MAGI2: variants seen among roughly 807,000 people sequenced by gnomAD.
MAGI2 encodes the protein membrane-associated guanylate kinase, WW and PDZ domain-containing protein 2.
MAGI2 carries 35 observed loss-of-function variants against 133.3 expected under a neutral mutation model. The observed-to-expected ratio is 0.26, with a 90% CI of 0.20 to 0.35. The LOEUF is 0.35. Among genes scored for constraint, MAGI2 ranks in the 10% least tolerant of loss-of-function variants. The pLI, the probability that MAGI2 is intolerant of heterozygous loss-of-function variation, is 1.00. For missense variants in MAGI2, 1,636 were observed against 1,863.4 expected, an observed-to-expected ratio of 0.88 and a Z score of 2.25; for synonymous variants, 729 against 710.6, an observed-to-expected ratio of 1.03 and a Z score of -0.41.
intron 2 of MAGI2, among the ~76,000 whole-genome samples, chr7:78,725,511 A>G (rs1399497133): frequency 6.6e-6 from 1 of 152,254 alleles, no homozygotes; most frequent in Non-Finnish European, 1.5e-5. Flanking sequence ...ATGAAAAGTT[A>G]AACTAGGCCA....
At chr7:79,089,068 G>A (rs1816803783) in intron 1 of MAGI2, among the ~76,000 whole-genome samples, 1 of 151,850 alleles carries the variant, frequency 6.6e-6, no homozygotes, top group Non-Finnish European at 1.5e-5. Flanking sequence ...AGAATCTAAT[G>A]TATCCAGAAT....
intron 6 of MAGI2, among the ~76,000 whole-genome samples, chr7:78,407,341 T>C (rs12533999): frequency 0.27 from 40,699 of 151,856 alleles, 5,863 homozygotes; most frequent in Middle Eastern, 0.36. Flanking sequence ...TTTTACCCTA[T>C]GTTTAACTTT....
chr7:78,713,654 G>A (rs1410987562), intron 2 of MAGI2, among the ~76,000 whole-genome samples: 1 of 152,076 alleles, frequency 6.6e-6, no homozygotes, highest in Non-Finnish European at 1.5e-5. Flanking sequence ...TTCAAAATAT[G>A]TAATAGCTCT....
At chr7:78,083,542 A>T (rs1216704128) in intron 20 of MAGI2, among the ~76,000 whole-genome samples, 2 of 152,174 alleles carry the variant, frequency 1.3e-5, no homozygotes, top group Admixed American at 6.5e-5. Context: ...TGATCAAAGG[A>T]CTTAAGAGGA....
rs117399006 is a variant in MAGI2, at chr7:79,128,617, A to G, written c.302-121411T>C. On this transcript the variant is annotated intron_variant, in intron 1 of 21. Transcript: ENST00000354212. ...AATAGTACCTTGTTTTCAACATTAT[A>G]CTATTCTGCTCCATCTCTGAAAATG... Among the ~76,000 whole-genome samples, 1,088 of 152,266 alleles carry G rather than the reference A, an allele frequency of 7.1e-3. 6 individuals carry two copies. The highest frequency in any genetic ancestry group is 9.7e-3 in the Non-Finnish European group (663 of 68,012).
At chr7:78,729,259 TTAAGA>T (rs1821135141) in intron 2 of MAGI2, among the ~76,000 whole-genome samples, 1 of 152,178 alleles carries the variant, frequency 6.6e-6, no homozygotes. Context: ...CATTTTAAAG[TTAAGA>T]TAAATTACAA....
chr7:78,305,429 G>C (rs1798174014), intron 9 of MAGI2, among the ~76,000 whole-genome samples: 1 of 152,128 alleles, frequency 6.6e-6, no homozygotes, highest in Non-Finnish European at 1.5e-5. Context: ...AGTGTAGCCT[G>C]GTGCCTAATC....
intron 2 of MAGI2, among the ~76,000 whole-genome samples, chr7:78,930,829 C>T (rs1800055098): frequency 6.6e-6 from 1 of 152,022 alleles, no homozygotes; most frequent in Non-Finnish European, 1.5e-5. Context: ...TTTCTGTTTC[C>T]TATTCTCCTC....
At chr7:78,123,368 A>C (rs1459843304) in intron 20 of MAGI2, among the ~76,000 whole-genome samples, 2 of 152,170 alleles carry the variant, frequency 1.3e-5, no homozygotes, top group Non-Finnish European at 2.9e-5. Flanking sequence ...AACTAACCCT[A>C]TATACACTGT....
intron 1 of MAGI2, among the ~76,000 whole-genome samples, chr7:79,029,323 T>G (rs910768524): frequency 7.2e-5 from 11 of 152,182 alleles, no homozygotes; most frequent in African/African-American, 2.7e-4. Flanking sequence ...ATTTCATTAA[T>G]AATTATACAA....
chr7:78,553,159 T>G (rs1799507912), intron 3 of MAGI2, among the ~76,000 whole-genome samples: 2 of 149,502 alleles, frequency 1.3e-5, no homozygotes, highest in Admixed American at 1.3e-4. Context: ...CATAAAAGGG[T>G]AACGGCCTAG....
At chr7:78,678,892 A>C (rs1040527926) in intron 2 of MAGI2, among the ~76,000 whole-genome samples, 1 of 152,174 alleles carries the variant, frequency 6.6e-6, no homozygotes, top group African/African-American at 2.4e-5. Flanking sequence ...GCAAAAAACA[A>C]AAAGAAAGTA....
chr7:78,570,160 C>T (rs1322103716), intron 3 of MAGI2, among the ~76,000 whole-genome samples: 1 of 152,106 alleles, frequency 6.6e-6, no homozygotes, highest in African/African-American at 2.4e-5. Context: ...AGTGGAATAG[C>T]CAGCTCACAG....
At chr7:78,361,845 G>A (rs532964485) in intron 7 of MAGI2, among the ~76,000 whole-genome samples, 2 of 152,288 alleles carry the variant, frequency 1.3e-5, no homozygotes, top group South Asian at 2.1e-4. Context: ...TGTCGATTCT[G>A]CTAGAATGAG....
At chr7:78,120,806 C>G (rs1820374621) in intron 20 of MAGI2, among the ~76,000 whole-genome samples, 1 of 150,856 alleles carries the variant, frequency 6.6e-6, no homozygotes, top group Admixed American at 6.6e-5. Flanking sequence ...TCGAGACCAT[C>G]CCGGCTAAAA....
intron 1 of MAGI2, among the ~76,000 whole-genome samples, chr7:79,197,115 C>T (rs185080457): frequency 6.6e-6 from 1 of 151,890 alleles, no homozygotes; most frequent in East Asian, 1.9e-4. Context: ...AGCCCTATCA[C>T]ATCTGATGGA....
At chr7:78,209,336 A>C (rs1787518082) in intron 10 of MAGI2, among the ~76,000 whole-genome samples, 2 of 133,022 alleles carry the variant, frequency 1.5e-5, no homozygotes, top group Non-Finnish European at 3.1e-5. Context: ...ATCTCGGCTC[A>C]CTGCAAGCTC....
intron 1 of MAGI2, among the ~76,000 whole-genome samples, chr7:79,215,283 C>T (rs1034645957): frequency 3.9e-5 from 6 of 151,908 alleles, no homozygotes; most frequent in Admixed American, 3.3e-4. Context: ...AGTATTTTAC[C>T]CTGAAATATG....
intron 4 of MAGI2, among the ~76,000 whole-genome samples, chr7:78,516,849 A>G (rs1382076807): frequency 6.6e-6 from 1 of 152,220 alleles, no homozygotes; most frequent in African/African-American, 2.4e-5. Context: ...CCTAATAAAC[A>G]ATACCAAGAC....
Sources: gnomAD v4.1 joint callset for allele counts (sites outside exome capture counted in the v4.1 genomes callset) on GRCh38, gnomAD v4.1.1 for gene constraint, MANE v1.5 for transcripts, NCBI Gene and HGNC (gene_info 2026-07-23, HGNC 2026-07-21) for gene names.